AKAP6: variants seen among roughly 807,000 people sequenced by gnomAD.
AKAP6 encodes A-kinase anchoring protein 6.
AKAP6 carries 58 observed loss-of-function variants against 188.5 expected under a neutral mutation model. The ratio of observed to expected loss-of-function variants is 0.31; its 90% CI spans 0.25 to 0.38. The LOEUF is 0.38. Ranked by LOEUF, AKAP6 falls within the 10% of genes least tolerant of loss-of-function variation. AKAP6 has a pLI of 1.00. For synonymous variants in AKAP6, 989 were observed against 998.6 expected, an observed-to-expected ratio of 0.99 and a Z score of 0.18; for missense variants, 2,710 against 2,740.0, an observed-to-expected ratio of 0.99 and a Z score of 0.24.
At chr14:32,363,101 A>G (rs1313666251) in intron 1 of AKAP6, among the ~76,000 whole-genome samples, 1 of 152,210 alleles carries the variant, frequency 6.6e-6, no homozygotes, top group Non-Finnish European at 1.5e-5. Context: ...TACTGCCCTA[A>G]TGATTAAACA....
chr14:32,643,549 G>A (rs999923144), intron 7 of AKAP6, among the ~76,000 whole-genome samples: 1 of 151,918 alleles, frequency 6.6e-6, no homozygotes, highest in African/African-American at 2.4e-5. Context: ...CTTGTGATCT[G>A]CCCGCCTCGG....
In AKAP6 at chr14:32,742,331, A is replaced by G. The variant is rs1055917954; in HGVS notation, c.3372+6449A>G. On this transcript the variant is annotated intron_variant, in intron 11 of 13. Coordinates refer to ENST00000280979, the MANE Select transcript of AKAP6 (RefSeq NM_004274.5). ...AAAAAAATGACTTTTTATTTCCTTG[A>G]TCTTTTGTATTTTTTTCTTCATTTC... Among the ~76,000 whole-genome samples the G allele has an allele frequency of 3.9e-5, 5 of 127,914 alleles. No homozygotes were observed. The South Asian group carries it at 9.5e-4, about 24-fold the overall frequency. 83.9% of individuals were successfully genotyped at this position (127,914 alleles called of 152,430 possible). A position where few individuals can be genotyped will look rare whatever the true frequency, so the allele number is the denominator to read the frequency against.
intron 1 of AKAP6, among the ~76,000 whole-genome samples, chr14:32,335,117 G>A (rs1166205902): frequency 6.6e-6 from 1 of 152,100 alleles, no homozygotes; most frequent in Non-Finnish European, 1.5e-5. Flanking sequence ...CACCTGGCTA[G>A]TAGAGCCTTT....
At chr14:32,777,234 G>T (rs1233822659) in intron 12 of AKAP6, among the ~76,000 whole-genome samples, 1 of 152,034 alleles carries the variant, frequency 6.6e-6, no homozygotes, top group Non-Finnish European at 1.5e-5. Flanking sequence ...ATATTTATAG[G>T]AATACAAATA....
chr14:32,819,863 G>GT (rs976891624), intron 12 of AKAP6, among the ~76,000 whole-genome samples: 6 of 152,052 alleles, frequency 3.9e-5, no homozygotes, highest in African/African-American at 1.4e-4. Flanking sequence ...CGGAAGGATT[G>GT]TTTGAGCCTG....
intron 3 of AKAP6, among the ~76,000 whole-genome samples, chr14:32,544,253 A>T (rs1364933161): frequency 1.3e-5 from 2 of 152,142 alleles, no homozygotes; most frequent in African/African-American, 2.4e-5. Context: ...TCATTTCCTA[A>T]GGGGGCTAGG....
chr14:32,691,398 A>T (rs967393175), intron 8 of AKAP6, among the ~76,000 whole-genome samples: 1 of 152,168 alleles, frequency 6.6e-6, no homozygotes. Flanking sequence ...TGTCTTTTAT[A>T]AAATCACTCA....
intron 9 of AKAP6, among the ~76,000 whole-genome samples, chr14:32,698,471 C>T (rs1481136741): frequency 6.6e-6 from 1 of 151,970 alleles, no homozygotes; most frequent in Non-Finnish European, 1.5e-5. Context: ...ATTTGTTGAC[C>T]CCAAAAGATA....
chr14:32,482,281 C>A (rs568391005), intron 2 of AKAP6, among the ~76,000 whole-genome samples: 1 of 152,150 alleles, frequency 6.6e-6, no homozygotes, highest in Non-Finnish European at 1.5e-5. Context: ...TTCCCACTGC[C>A]AACATTTCTG....
chr14:32,385,348 T>C (rs1594564435), intron 1 of AKAP6, among the ~76,000 whole-genome samples: 2 of 152,136 alleles, frequency 1.3e-5, no homozygotes, highest in East Asian at 3.9e-4. Flanking sequence ...GTTCTGTTTT[T>C]ACTAAGATTG....
intron 2 of AKAP6, among the ~76,000 whole-genome samples, chr14:32,502,668 G>C (rs1880662889): frequency 6.6e-6 from 1 of 151,988 alleles, no homozygotes; most frequent in Non-Finnish European, 1.5e-5. Context: ...AAGCAAATGT[G>C]AATATATATT....
intron 5 of AKAP6, among the ~76,000 whole-genome samples, chr14:32,586,029 A>T (rs564437825): frequency 3.1e-4 from 47 of 152,282 alleles, no homozygotes; most frequent in African/African-American, 9.1e-4. Flanking sequence ...CATGAAATCA[A>T]CCATATATTT....
At chr14:32,658,538 A>G (rs536983878) in intron 7 of AKAP6, among the ~76,000 whole-genome samples, 68 of 152,218 alleles carry the variant, frequency 4.5e-4, no homozygotes, top group African/African-American at 1.6e-3. Flanking sequence ...TAAAGTATGC[A>G]TGTTAATTAA....
chr14:32,761,457 A>AG (rs2032535365), intron 11 of AKAP6, among the ~76,000 whole-genome samples: 1 of 152,218 alleles, frequency 6.6e-6, no homozygotes, highest in Non-Finnish European at 1.5e-5. Context: ...TTAGCTAAAA[A>AG]TAAGTCTGGA....
At chr14:32,689,044 A>G (rs971850847) in intron 8 of AKAP6, among the ~76,000 whole-genome samples, 6 of 152,178 alleles carry the variant, frequency 3.9e-5, no homozygotes, top group Non-Finnish European at 8.8e-5. Context: ...TAACACACAA[A>G]TGATAACATA....
intron 11 of AKAP6, among the ~76,000 whole-genome samples, chr14:32,763,611 T>C (rs1039660514): frequency 6.6e-6 from 1 of 152,170 alleles, no homozygotes; most frequent in Non-Finnish European, 1.5e-5. Context: ...TAAAAAACAA[T>C]ATTTCTGCCT....
In AKAP6 at chr14:32,546,140, A is replaced by C. The variant is rs1267521142; in HGVS notation, c.1487A>C (p.Lys496Thr). ...TGCTATAAAGAGAAATCTCGACTTA[A>C]AAAGCCACACAAGACCTCAGAAGAG... ...NDCYKEKSRL[K>T]KPHKTSEEVP... Residue 496 changes from lysine (K) to threonine (T), a missense_variant, in exon 4 of 14, where the codon AAA becomes ACA. Around this residue, in one of 2 missense-constraint regions of AKAP6, gnomAD observed 2,473 missense variants for 2,426.1 expected, o/e 1.02. Transcript: ENST00000280979. 1 of 1,613,894 alleles carries C rather than the reference A, an allele frequency of 6.2e-7. No individual in the cohort carries two copies. Among genetic ancestry groups the C allele is most frequent in the Non-Finnish European group, 8.5e-7 (1 of 1,179,960 alleles).
intron 11 of AKAP6, among the ~76,000 whole-genome samples, chr14:32,756,476 A>G (rs78285998): frequency 0.017 from 2,536 of 152,036 alleles, 60 homozygotes; most frequent in African/African-American, 0.057. Flanking sequence ...GGCACACTGG[A>G]GCCTAAGGCA....
intron 11 of AKAP6, among the ~76,000 whole-genome samples, chr14:32,770,075 A>C (rs2032852179): frequency 6.6e-6 from 1 of 152,212 alleles, no homozygotes; most frequent in African/African-American, 2.4e-5. Context: ...ACAGTTGAAA[A>C]GAGTGACAGA....
Sources: gnomAD v4.1 joint callset for allele counts (sites outside exome capture counted in the v4.1 genomes callset) on GRCh38, gnomAD v4.1.1 for gene constraint, gnomAD v4.1.1 regional missense constraint, MANE v1.5 for transcripts, NCBI Gene and HGNC (gene_info 2026-07-23, HGNC 2026-07-21) for gene names.